Variants in AFG2A observed in about 807,000 individuals in gnomAD.
AFG2A encodes the protein ATPase family gene 2 protein homolog A.
the AFG2A span, among the ~76,000 whole-genome samples, chr4:123,097,372 A>AC: frequency 1.3e-5 from 2 of 151,218 alleles, no homozygotes; most frequent in Non-Finnish European, 3.0e-5. Flanking sequence ...AAAAAAAAAA[A>AC]GCTGCAAGGA....
At chr4:123,092,426 G>T in the AFG2A span, among the ~76,000 whole-genome samples, 2 of 152,022 alleles carry the variant, frequency 1.3e-5, no homozygotes, top group Non-Finnish European at 2.9e-5. Flanking sequence ...CCTAATGTTG[G>T]GTGTCCTCGA....
chr4:123,078,859 G>A, the AFG2A span, among the ~76,000 whole-genome samples: 1 of 152,146 alleles, frequency 6.6e-6, no homozygotes, highest in East Asian at 1.9e-4. Context: ...ACATAGAGAT[G>A]AGACATTAAA....
the AFG2A span, among the ~76,000 whole-genome samples, chr4:123,244,085 T>TA: frequency 0.013 from 1,969 of 150,524 alleles, 30 homozygotes; most frequent in Admixed American, 0.037. Context: ...TAGGTAAGAT[T>TA]AAAAAAAAAG....
chr4:123,311,208 G>T, the AFG2A span, among the ~76,000 whole-genome samples: 7 of 152,090 alleles, frequency 4.6e-5, no homozygotes, highest in Non-Finnish European at 8.8e-5. Context: ...TATACTAGAG[G>T]CCCCAAGTTA....
chr4:122,954,860 G>A, the AFG2A span, among the ~76,000 whole-genome samples: 6 of 152,280 alleles, frequency 3.9e-5, no homozygotes, highest in East Asian at 9.7e-4. Flanking sequence ...CAGACCCTTC[G>A]GTGTTTTTGG....
the AFG2A span, among the ~76,000 whole-genome samples, chr4:122,930,282 T>C: frequency 6.6e-6 from 1 of 152,216 alleles, no homozygotes; most frequent in African/African-American, 2.4e-5. Flanking sequence ...GGATATCGAC[T>C]TGGTTTGCAT....
the AFG2A span, among the ~76,000 whole-genome samples, chr4:123,218,337 C>A: frequency 6.6e-6 from 1 of 152,084 alleles, no homozygotes; most frequent in Non-Finnish European, 1.5e-5. Context: ...CTCCTTTTAT[C>A]GTTTGAAGTA....
chr4:123,195,615 A>ATCT, the AFG2A span, among the ~76,000 whole-genome samples: 1 of 152,320 alleles, frequency 6.6e-6, no homozygotes, highest in African/African-American at 2.4e-5. Flanking sequence ...TAAGATAAGA[A>ATCT]TCTTAATGCA....
At chr4:123,031,214 C>T in the AFG2A span, among the ~76,000 whole-genome samples, 4 of 152,014 alleles carry the variant, frequency 2.6e-5, no homozygotes, top group African/African-American at 9.7e-5. Flanking sequence ...TGCAGTGGCA[C>T]GATCTCAGCT....
At chr4:122,974,433 C>A in the AFG2A span, among the ~76,000 whole-genome samples, 1 of 152,084 alleles carries the variant, frequency 6.6e-6, no homozygotes, top group African/African-American at 2.4e-5. Flanking sequence ...ATTTTAGGAA[C>A]AGCTTAAATT....
the AFG2A span, among the ~76,000 whole-genome samples, chr4:123,221,033 G>A: frequency 7.9e-5 from 12 of 152,286 alleles, no homozygotes; most frequent in South Asian, 2.1e-3. Context: ...GATTGTCTCC[G>A]TAGCACTGCA....
chr4:123,135,440 G>C, the AFG2A span, among the ~76,000 whole-genome samples: 1 of 152,290 alleles, frequency 6.6e-6, no homozygotes, highest in Non-Finnish European at 1.5e-5. Context: ...GAAATAAAAG[G>C]CATCCTAATA....
the AFG2A span, among the ~76,000 whole-genome samples, chr4:123,068,089 A>G: frequency 1.3e-5 from 2 of 152,114 alleles, no homozygotes; most frequent in Admixed American, 1.3e-4. Flanking sequence ...TTAGCTGTAC[A>G]TTTTCCCCTA....
At chr4:123,073,849 T>C in the AFG2A span, among the ~76,000 whole-genome samples, 1 of 152,210 alleles carries the variant, frequency 6.6e-6, no homozygotes, top group Admixed American at 6.5e-5. Context: ...TTACAGTTTC[T>C]GTTTCTAGGA....
chr4:123,257,537 T>TA, the AFG2A span, among the ~76,000 whole-genome samples: 1 of 152,220 alleles, frequency 6.6e-6, no homozygotes, highest in South Asian at 2.1e-4. Flanking sequence ...TCCACTGGAA[T>TA]AAAAAGCCAT....
At chr4:123,274,462 C>T in the AFG2A span, among the ~76,000 whole-genome samples, 1 of 151,044 alleles carries the variant, frequency 6.6e-6, no homozygotes, top group Non-Finnish European at 1.5e-5. Context: ...TTTTATGAGT[C>T]CCAAGCTAGA....
the AFG2A span, among the ~76,000 whole-genome samples, chr4:123,151,639 G>T: frequency 2.0e-5 from 3 of 152,176 alleles, no homozygotes; most frequent in South Asian, 6.2e-4. Flanking sequence ...ACAGATGCTG[G>T]AGAGGATGTG....
At chr4:123,075,409 C>T in the AFG2A span, among the ~76,000 whole-genome samples, 1 of 152,026 alleles carries the variant, frequency 6.6e-6, no homozygotes, top group East Asian at 2.0e-4. Flanking sequence ...AGCGATTCTC[C>T]TGCCTCAGCC....
the AFG2A span, among the ~76,000 whole-genome samples, chr4:122,924,435 C>T: frequency 5.3e-5 from 8 of 152,278 alleles, no homozygotes; most frequent in South Asian, 2.1e-4. Flanking sequence ...ATAAACCTTA[C>T]GTGACCACAG....
Sources: gnomAD v4.1 joint callset for allele counts (sites outside exome capture counted in the v4.1 genomes callset) on GRCh38, gnomAD v4.1.1 for gene constraint, MANE v1.5 for transcripts, NCBI Gene and HGNC (gene_info 2026-07-23, HGNC 2026-07-21) for gene names.